Variants in CNTN3 observed in about 807,000 individuals in gnomAD.
CNTN3 encodes contactin 3.
In CNTN3, 60 loss-of-function variants were observed where a neutral mutation model predicts 119.1. The ratio of observed to expected loss-of-function variants is 0.50; its 90% CI spans 0.41 to 0.62. The LOEUF is 0.62. Ranked by LOEUF, CNTN3 falls within the 20% of genes least tolerant of loss-of-function variation. The probability of loss-of-function intolerance (pLI) is 0.00; values close to 1 mark genes in which losing one functional copy is unlikely to be tolerated. For missense variants in CNTN3, 1,101 were observed against 1,242.4 expected (o/e 0.89, Z 1.71); for synonymous variants, 450 against 438.7 (o/e 1.03, Z -0.32).
intron 4 of CNTN3, among the ~76,000 whole-genome samples, chr3:74,445,595 T>C (rs1702036529): frequency 6.6e-6 from 1 of 152,196 alleles, no homozygotes; most frequent in South Asian, 2.1e-4. Flanking sequence ...TAATAAGATA[T>C]TTATTTAACT....
At chr3:74,342,641 C>T (rs1559555309) in intron 11 of CNTN3, among the ~76,000 whole-genome samples, 1 of 152,132 alleles carries the variant, frequency 6.6e-6, no homozygotes, top group Admixed American at 6.5e-5. Flanking sequence ...TAAAAGTCAA[C>T]AATAAAGGAA....
At chr3:74,507,316 G>A (rs1311423767) in intron 2 of CNTN3, among the ~76,000 whole-genome samples, 1 of 151,782 alleles carries the variant, frequency 6.6e-6, no homozygotes, top group African/African-American at 2.4e-5. Flanking sequence ...TACTCAAGAG[G>A]CTGAGATGGG....
intron 2 of CNTN3, among the ~76,000 whole-genome samples, chr3:74,503,510 G>C (rs1703201644): frequency 6.6e-6 from 1 of 152,132 alleles, no homozygotes. Context: ...TAGGTGATGA[G>C]AGATGCTGGG....
intron 5 of CNTN3, among the ~76,000 whole-genome samples, chr3:74,401,985 CTTCT>C (rs1705206844): frequency 6.6e-6 from 1 of 152,126 alleles, no homozygotes; most frequent in Non-Finnish European, 1.5e-5. Flanking sequence ...GATACAAGGT[CTTCT>C]TTGTTTCTTA....
At chr3:74,318,795 C>T (rs773213186) in intron 13 of CNTN3, among the ~76,000 whole-genome samples, 7 of 152,092 alleles carry the variant, frequency 4.6e-5, no homozygotes, top group African/African-American at 1.4e-4. Context: ...TTAGGCTGCT[C>T]GGGGGTCAAG....
intron 1 of CNTN3, among the ~76,000 whole-genome samples, chr3:74,603,455 A>G (rs1575862422): frequency 6.6e-6 from 1 of 152,182 alleles, no homozygotes; most frequent in Non-Finnish European, 1.5e-5. Context: ...CCAATGCACA[A>G]TATGGAAGAG....
At chr3:74,380,010 T>A (rs1444578361) in intron 5 of CNTN3, among the ~76,000 whole-genome samples, 1 of 152,194 alleles carries the variant, frequency 6.6e-6, no homozygotes, top group East Asian at 1.9e-4. Flanking sequence ...TCCTGCAACC[T>A]CCAGCTTGTA....
intron 8 of CNTN3, among the ~76,000 whole-genome samples, chr3:74,366,927 C>T (rs1405061297): frequency 6.8e-6 from 1 of 147,200 alleles, no homozygotes; most frequent in African/African-American, 2.5e-5. Context: ...AATAGACTCA[C>T]ACATCAGCCT....
At chr3:74,285,217 G>C (rs1044791606) in intron 20 of CNTN3, 88 bp downstream of exon 20, 4 of 1,342,408 alleles carry the variant, frequency 3.0e-6, no homozygotes, top group Non-Finnish European at 4.1e-6. Context: ...TTAATGACTT[G>C]GGTTGTCCAT....
intron 2 of CNTN3, among the ~76,000 whole-genome samples, chr3:74,516,204 C>CTCCTCTAGAAACTA (rs1559642101): frequency 6.6e-6 from 1 of 150,510 alleles, no homozygotes; most frequent in African/African-American, 2.5e-5. Context: ...ACAACATGGG[C>CTCCTCTAGAAACTA]AGGCCTGGAA....
rs982786514 is a variant in CNTN3 at position 74,323,418 on chromosome 3, G to A, written c.1668+11317C>T. On this transcript the variant is annotated intron_variant, in intron 13 of 22. Coordinates refer to ENST00000263665, the MANE Select transcript of CNTN3 (RefSeq NM_020872.3). ...AATAGGTATATAGAGAAAGTAGATC[G>A]GTGGTTGCCTCTGCCTGAGGGTGAA... 3.9e-5 allele frequency among the ~76,000 whole-genome samples: 6 copies of A among 152,138 alleles called. No homozygotes were observed. The East Asian group carries it at 5.8e-4, about 15-fold the overall frequency.
At chr3:74,605,387 TATACA>T (rs1174156367) in intron 1 of CNTN3, among the ~76,000 whole-genome samples, 12 of 152,276 alleles carry the variant, frequency 7.9e-5, no homozygotes, top group Admixed American at 3.3e-4. Context: ...CATCATGTTG[TATACA>T]ATAAATATAT....
chr3:74,523,616 C>T (rs151220745), intron 1 of CNTN3, among the ~76,000 whole-genome samples: 2 of 151,884 alleles, frequency 1.3e-5, no homozygotes, highest in East Asian at 3.9e-4. Flanking sequence ...GAATAACAGA[C>T]TTAAAAAGAA....
chr3:74,391,538 T>C lies in CNTN3; in HGVS notation c.455-20139A>G, dbSNP rs186950090. 2.0e-5 allele frequency among the ~76,000 whole-genome samples: 3 copies of C among 150,456 alleles called. No homozygotes were observed. In the East Asian group the frequency reaches 5.9e-4, roughly 30 times the overall value. ...GCTCAATAAATGTTACTTATTAGTATTTTGTACTCCCATAGTTTCTTTTTT... is the reference window on the plus strand; with the variant it reads ...GCTCAATAAATGTTACTTATTAGTACTTTGTACTCCCATAGTTTCTTTTTT... On this transcript the variant is annotated intron_variant, in intron 5 of 22. Transcript: ENST00000263665.
At chr3:74,596,274 T>C (rs1275164080) in intron 1 of CNTN3, among the ~76,000 whole-genome samples, 3 of 152,096 alleles carry the variant, frequency 2.0e-5, no homozygotes, top group Admixed American at 1.3e-4. Context: ...AGGTAATTTA[T>C]AGATTCAACG....
intron 20 of CNTN3, among the ~76,000 whole-genome samples, chr3:74,273,185 G>C (rs1169793840): frequency 6.6e-6 from 1 of 152,126 alleles, no homozygotes; most frequent in African/African-American, 2.4e-5. Context: ...GGTAGCAATA[G>C]TCATTTAATA....
At chr3:74,528,015 T>C (rs1281420147) in intron 1 of CNTN3, among the ~76,000 whole-genome samples, 2 of 151,936 alleles carry the variant, frequency 1.3e-5, no homozygotes, top group South Asian at 4.1e-4. Flanking sequence ...CCTTTACACA[T>C]AAAAGGAACT....
chr3:74,524,432 G>C (rs189669433), intron 1 of CNTN3, among the ~76,000 whole-genome samples: 1 of 151,838 alleles, frequency 6.6e-6, no homozygotes, highest in African/African-American at 2.4e-5. Flanking sequence ...AGGTACAGTA[G>C]AGGGTAGACG....
chr3:74,580,769 G>C (rs1279636696), intron 1 of CNTN3, among the ~76,000 whole-genome samples: 1 of 152,154 alleles, frequency 6.6e-6, no homozygotes, highest in African/African-American at 2.4e-5. Context: ...CATCATACTA[G>C]TGGTGCCAAC....
Sources: gnomAD v4.1 joint callset for allele counts (sites outside exome capture counted in the v4.1 genomes callset) on GRCh38, gnomAD v4.1.1 for gene constraint, MANE v1.5 for transcripts, NCBI Gene and HGNC (gene_info 2026-07-23, HGNC 2026-07-21) for gene names.